MKLN1: variants seen among roughly 807,000 people sequenced by gnomAD.
MKLN1 encodes the protein muskelin.
In MKLN1, 18 loss-of-function variants were observed where a neutral mutation model predicts 99.0. The observed-to-expected ratio is 0.18, with a 90% CI of 0.13 to 0.27. The LOEUF (loss-of-function observed/expected upper bound fraction) is 0.27. Ranked by LOEUF, MKLN1 falls within the 10% of genes least tolerant of loss-of-function variation. MKLN1 has a pLI of 1.00. For missense variants in MKLN1, 621 were observed against 875.9 expected, an observed-to-expected ratio of 0.71 and a Z score of 3.67; for synonymous variants, 288 against 293.2, an observed-to-expected ratio of 0.98 and a Z score of 0.18.
chr7:131,455,733 C>G (rs1366559624), intron 12 of MKLN1, among the ~76,000 whole-genome samples: 2 of 152,086 alleles, frequency 1.3e-5, no homozygotes, highest in Non-Finnish European at 2.9e-5. Context: ...CCTCCTCCCC[C>G]GCAAATATAC....
intron 3 of MKLN1, among the ~76,000 whole-genome samples, chr7:131,220,211 A>G (rs1238286929): frequency 1.3e-5 from 2 of 152,136 alleles, no homozygotes; most frequent in African/African-American, 2.4e-5. Context: ...TCCAATGAAA[A>G]CTATTTACAA....
intron 2 of MKLN1, among the ~76,000 whole-genome samples, chr7:131,192,299 A>G (rs1160233211): frequency 5.5e-5 from 5 of 91,230 alleles, no homozygotes; most frequent in Non-Finnish European, 9.6e-5. Context: ...TATACAATAT[A>G]TAAATATATA....
intron 1 of MKLN1, among the ~76,000 whole-genome samples, chr7:131,365,319 T>A (rs953045354): frequency 2.0e-5 from 3 of 152,214 alleles, no homozygotes; most frequent in East Asian, 3.8e-4. Context: ...CTTGTAAATT[T>A]AAGTTCCTTA....
At chr7:131,175,548 C>T (rs1217159025) in intron 2 of MKLN1, among the ~76,000 whole-genome samples, 3 of 152,058 alleles carry the variant, frequency 2.0e-5, no homozygotes, top group Non-Finnish European at 2.9e-5. Flanking sequence ...TTTTGGACAC[C>T]CAAATAACTA....
rs140689968 is a variant in MKLN1 at position 131,234,482 on chromosome 7, A to G, written c.-179+31508A>G. 4.6e-3 allele frequency among the ~76,000 whole-genome samples: 703 copies of G among 152,264 alleles called. 7 individuals carry two copies. The highest frequency in any genetic ancestry group is 0.016 in the African/African-American group (665 of 41,536). Reference sequence around the variant, plus strand: ...ACTAATTTCCTGACTCAGAATTGCCAGGGGTCTCAAGTACACTCCAGAGGA... The same window carrying G: ...ACTAATTTCCTGACTCAGAATTGCCGGGGGTCTCAAGTACACTCCAGAGGA... On this transcript the variant is annotated intron_variant, in intron 3 of 7. Coordinates refer to the MKLN1 transcript ENST00000416992.
intron 3 of MKLN1, among the ~76,000 whole-genome samples, chr7:131,247,067 A>AC (rs1289749467): frequency 7.2e-5 from 11 of 152,244 alleles, no homozygotes; most frequent in African/African-American, 2.2e-4. Context: ...ACTGGTGTTG[A>AC]CAAGTACAAG....
At chr7:131,234,702 G>A (rs768906604) in intron 3 of MKLN1, among the ~76,000 whole-genome samples, 1 of 152,158 alleles carries the variant, frequency 6.6e-6, no homozygotes, top group Non-Finnish European at 1.5e-5. Flanking sequence ...CAGCTCTTCT[G>A]TACTGAAGAA....
At chr7:131,112,864 A>C (rs1194521386) in intron 1 of MKLN1, among the ~76,000 whole-genome samples, 5 of 152,234 alleles carry the variant, frequency 3.3e-5, no homozygotes, top group Non-Finnish European at 5.9e-5. Flanking sequence ...AAATAGACCT[A>C]GCTCAGCTCT....
chr7:131,133,850 A>T (rs2116236515), intron 1 of MKLN1, among the ~76,000 whole-genome samples: 1 of 60,396 alleles, frequency 1.7e-5, no homozygotes, highest in African/African-American at 5.8e-5. Flanking sequence ...TTTTTTTGAG[A>T]CGAAGTTTTG....
chr7:131,403,704 G>C (rs1030734560), intron 6 of MKLN1, among the ~76,000 whole-genome samples: 4 of 152,186 alleles, frequency 2.6e-5, no homozygotes, highest in Non-Finnish European at 5.9e-5. Context: ...GGCCCAAAGA[G>C]AGGGAGAGAA....
chr7:131,455,098 T>C (rs1796294523), intron 12 of MKLN1, among the ~76,000 whole-genome samples: 1 of 152,228 alleles, frequency 6.6e-6, no homozygotes, highest in African/African-American at 2.4e-5. Flanking sequence ...CTGTGACAGC[T>C]CTGAAAACTG....
Position 131,258,476 on chromosome 7 carries a change from T to A in MKLN1, c.-179+55502T>A, listed in dbSNP as rs958084653. On this transcript the variant is annotated intron_variant, in intron 3 of 7. Coordinates refer to the MKLN1 transcript ENST00000416992. ...CTCGGTGAATAAGAACGCTTTACAG[T>A]TCCTTGCAAATCAAAGACCCATTAG... 4.0e-5 allele frequency among the ~76,000 whole-genome samples: 6 copies of A among 151,512 alleles called. No individual in the cohort carries two copies. The South Asian group carries it at 1.3e-3, about 32-fold the overall frequency.
chr7:131,163,450 C>G lies in MKLN1; in HGVS notation c.-297+20509C>G, dbSNP rs1392006240. On this transcript the variant is annotated intron_variant, in intron 2 of 7. Transcript: ENST00000416992. ...AATTGACATTAGATTCACAGGTCAG[C>G]CTCTGCTGTAACATTCAGATTGAGA... Among the ~76,000 whole-genome samples, 5 of 152,324 alleles carry G rather than the reference C, an allele frequency of 3.3e-5. No individual in the cohort carries two copies. The East Asian group carries it at 9.6e-4, about 29-fold the overall frequency.
At position 131,239,826 on chromosome 7, in the gene MKLN1, A is replaced by C. The variant is rs191406805; in HGVS notation, c.-179+36852A>C. ...TCAACCTAGTGAGACCCTATCTCTT[A>C]AAAGAAAAAGAAAACCTTTCTGTTG... is the stretch of plus-strand genomic sequence containing the variant. On this transcript the variant is annotated intron_variant, in intron 3 of 7. Coordinates refer to the MKLN1 transcript ENST00000416992. Among the ~76,000 whole-genome samples, 785 of 152,240 alleles carry C rather than the reference A, an allele frequency of 5.2e-3. 3 individuals carry two copies. Among genetic ancestry groups the C allele is most frequent in the Admixed American group, 0.012 (181 of 15,296 alleles).
In MKLN1 at chr7:131,489,295, C is replaced by T. The variant is rs1562891759; in HGVS notation, c.*1567C>T. ...TAGGCTTGAATCATGGGCTCCTTGG[C>T]TTTCCTAGCATCCCAAAGCAGTCAA... On this transcript the variant is annotated 3_prime_UTR_variant, in exon 18 of 18. Transcript: ENST00000352689. 6.6e-6 allele frequency: 1 copy of T among 152,086 alleles called. No homozygotes were observed. The highest frequency in any genetic ancestry group is 1.5e-5 in the Non-Finnish European group (1 of 68,006). The allele number at this position is 152,086 out of a possible 1,614,324, so 9.4% of individuals were successfully genotyped here.
At chr7:131,366,783 G>T (rs1445416397) in intron 1 of MKLN1, among the ~76,000 whole-genome samples, 1 of 152,196 alleles carries the variant, frequency 6.6e-6, no homozygotes, top group Non-Finnish European at 1.5e-5. Flanking sequence ...CTGCACTCCA[G>T]CCTGGGCGAC....
In MKLN1 at chr7:131,485,017, A is replaced by G. The variant is rs7786403; in HGVS notation, c.2087-2590A>G. Among the ~76,000 whole-genome samples, 504 of 152,238 alleles carry G rather than the reference A, an allele frequency of 3.3e-3. 5 individuals carry two copies. The highest frequency in any genetic ancestry group is 0.011 in the African/African-American group (473 of 41,560). ...GATAGGCATATATGCATAGGCCTAG[A>G]AACAATGACACCCTGGCAATTAGCA... On this transcript the variant is annotated intron_variant, in intron 17 of 17. Transcript: ENST00000352689.
chr7:131,475,565 G>C (rs559297523), intron 16 of MKLN1, among the ~76,000 whole-genome samples: 20 of 152,208 alleles, frequency 1.3e-4, no homozygotes, highest in Admixed American at 2.6e-4. Context: ...TGTAATCACA[G>C]CATTTTGGGA....
intron 17 of MKLN1, among the ~76,000 whole-genome samples, chr7:131,484,972 G>A (rs28374292): frequency 6.6e-6 from 1 of 151,988 alleles, no homozygotes; most frequent in Non-Finnish European, 1.5e-5. Context: ...CTATAATAGT[G>A]TAAAACAATG....
Sources: allele counts gnomAD v4.1 joint callset (sites outside exome capture counted in the v4.1 genomes callset), GRCh38; gene constraint gnomAD v4.1.1; transcripts MANE v1.5; gene names NCBI Gene and HGNC (gene_info 2026-07-23, HGNC 2026-07-21).